NT5E: variants seen among roughly 807,000 people sequenced by gnomAD.
The protein encoded by NT5E is 5'-nucleotidase.
A neutral mutation model predicts 55.1 loss-of-function variants in NT5E; 53 were observed. That is an observed-to-expected ratio of 0.96 (90% CI 0.77 to 1.21). The LOEUF (loss-of-function observed/expected upper bound fraction) is 1.21. NT5E is among the 50% of genes most tolerant of loss of function. The probability of loss-of-function intolerance (pLI) is 0.00; values close to 1 mark genes in which losing one functional copy is unlikely to be tolerated. For missense variants in NT5E, 683 were observed against 724.3 expected, an observed-to-expected ratio of 0.94 and a Z score of 0.65; for synonymous variants, 270 against 278.4, an observed-to-expected ratio of 0.97 and a Z score of 0.30.
At chr6:85,476,370 C>T (rs1769436288) in intron 3 of NT5E, among the ~76,000 whole-genome samples, 1 of 152,216 alleles carries the variant, frequency 6.6e-6, no homozygotes, top group Non-Finnish European at 1.5e-5. Context: ...GCTCTCAACT[C>T]CTCATGGGAG....
At chr6:85,470,636 TTCGCCATTTTGCC>T (rs1769285562) in intron 2 of NT5E, among the ~76,000 whole-genome samples, 1 of 152,170 alleles carries the variant, frequency 6.6e-6, no homozygotes, top group Non-Finnish European at 1.5e-5. Context: ...GAGACAGGGT[TTCGCCATTTTGCC>T]TGGGCTGGTC....
intron 2 of NT5E, 72 bp downstream of exon 2, chr6:85,467,354 T>C (rs969350988): frequency 7.9e-7 from 1 of 1,261,954 alleles, no homozygotes; most frequent in African/African-American, 1.5e-5. Context: ...ATTATATTTA[T>C]GGACTGTAGA....
chr6:85,453,101 G>T (rs914959706), intron 1 of NT5E, among the ~76,000 whole-genome samples: 1 of 152,054 alleles, frequency 6.6e-6, no homozygotes, highest in African/African-American at 2.4e-5. Context: ...GAGACCCCCT[G>T]GAACCACTAC....
At chr6:85,477,290 C>T (rs190548439) in intron 3 of NT5E, among the ~76,000 whole-genome samples, 4 of 152,224 alleles carry the variant, frequency 2.6e-5, no homozygotes, top group African/African-American at 9.6e-5. Context: ...TGAACGTTAA[C>T]AAGTGCAACT....
chr6:85,472,372 A>G (rs1175385134), intron 3 of NT5E, among the ~76,000 whole-genome samples: 2 of 152,252 alleles, frequency 1.3e-5, no homozygotes, highest in African/African-American at 4.8e-5. Context: ...AGGGATTATC[A>G]CTAAGAAAGT....
intron 1 of NT5E, among the ~76,000 whole-genome samples, chr6:85,465,203 A>G (rs1769167553): frequency 6.6e-6 from 1 of 152,222 alleles, no homozygotes; most frequent in Non-Finnish European, 1.5e-5. Flanking sequence ...ATTAGGCTCA[A>G]GTTAGGATGG....
intron 5 of NT5E, among the ~76,000 whole-genome samples, 168 bp downstream of exon 5, chr6:85,487,657 T>C (rs1423645371): frequency 1.3e-5 from 2 of 152,150 alleles, no homozygotes; most frequent in East Asian, 3.8e-4. Context: ...CTCGGGAGGC[T>C]TAGGTGGGAA....
At position 85,458,504 on chromosome 6, in the gene NT5E, A is replaced by C. The variant is rs145123933; in HGVS notation, c.339+8026A>C. Among the ~76,000 whole-genome samples, 243 of 152,322 alleles carry C rather than the reference A, an allele frequency of 1.6e-3. 3 individuals are homozygous for C. Among genetic ancestry groups the C allele is most frequent in the African/African-American group, 5.7e-3 (238 of 41,578 alleles). ...ATTAATAGCATCTGTTGTTTTCTTA[A>C]CTGAAAATTGGAGAGAACCAAACAA... On this transcript the variant is annotated intron_variant, in intron 1 of 8. Coordinates refer to ENST00000257770, the MANE Select transcript of NT5E (RefSeq NM_002526.4).
At chr6:85,460,429 T>C (rs972561205) in intron 1 of NT5E, among the ~76,000 whole-genome samples, 22 of 152,250 alleles carry the variant, frequency 1.4e-4, no homozygotes, top group African/African-American at 5.1e-4. Flanking sequence ...ATGGAATCTA[T>C]TTATTGGTTT....
intron 1 of NT5E, among the ~76,000 whole-genome samples, chr6:85,452,671 G>A (rs768697349): frequency 8.5e-5 from 13 of 152,138 alleles, no homozygotes; most frequent in African/African-American, 2.9e-4. Flanking sequence ...ATGATTTGAC[G>A]TGCATAAAAT....
intron 3 of NT5E, among the ~76,000 whole-genome samples, chr6:85,483,080 T>C (rs944403971): frequency 2.0e-5 from 3 of 152,276 alleles, no homozygotes; most frequent in Non-Finnish European, 2.9e-5. Context: ...TAGTGCATAC[T>C]GAGGCATCTG....
intron 7 of NT5E, 116 bp downstream of exon 7, chr6:85,490,773 C>A: frequency 9.1e-7 from 1 of 1,104,728 alleles, no homozygotes; most frequent in African/African-American, 1.5e-5. Flanking sequence ...GGATTTTTCC[C>A]GACCCAACAC....
intron 1 of NT5E, among the ~76,000 whole-genome samples, chr6:85,455,008 G>A (rs1035297655): frequency 2.6e-5 from 4 of 152,204 alleles, no homozygotes; most frequent in African/African-American, 9.7e-5. Context: ...GACCAGGTTG[G>A]ACCAGAGTGA....
intron 7 of NT5E, 123 bp downstream of exon 7, chr6:85,490,780 A>C (rs955027305): frequency 6.9e-6 from 7 of 1,020,388 alleles, no homozygotes; most frequent in Admixed American, 5.8e-5. Context: ...TCCCGACCCA[A>C]CACCAATACC....
intron 3 of NT5E, among the ~76,000 whole-genome samples, chr6:85,484,892 T>A (rs1333106855): frequency 1.3e-5 from 2 of 152,182 alleles, no homozygotes; most frequent in African/African-American, 4.8e-5. Context: ...GTAAAGTGGC[T>A]TGGCTAATCC....
At chr6:85,458,164 A>G (rs939834577) in intron 1 of NT5E, among the ~76,000 whole-genome samples, 1 of 152,260 alleles carries the variant, frequency 6.6e-6, no homozygotes, top group Non-Finnish European at 1.5e-5. Context: ...TTGAGGAAAG[A>G]AAAATTAGCA....
intron 5 of NT5E, 108 bp downstream of exon 5, chr6:85,487,597 T>C: frequency 7.1e-7 from 1 of 1,414,408 alleles, no homozygotes; most frequent in Non-Finnish European, 9.9e-7. Flanking sequence ...AATGAGGGAT[T>C]TCAAAACATT....
chr6:85,477,104 C>A (rs910516908), intron 3 of NT5E, among the ~76,000 whole-genome samples: 14 of 152,104 alleles, frequency 9.2e-5, no homozygotes, highest in Admixed American at 5.2e-4. Context: ...CTTTCTCACT[C>A]CCTTATTTTT....
Position 85,458,250 on chromosome 6 carries a change from G to C in NT5E, c.339+7772G>C, listed in dbSNP as rs986670405. Among the ~76,000 whole-genome samples, 4 of 152,204 alleles carry C rather than the reference G, an allele frequency of 2.6e-5. No homozygotes were observed. The South Asian group carries it at 8.3e-4, about 32-fold the overall frequency. ...TAAAAAGGCAACAACAACCAAAAAA[G>C]TAATTATTCCTAAAGCTCAGGTGTC... On this transcript the variant is annotated intron_variant, in intron 1 of 8. Coordinates refer to ENST00000257770, the MANE Select transcript of NT5E (RefSeq NM_002526.4).
Sources: allele counts gnomAD v4.1 joint callset (sites outside exome capture counted in the v4.1 genomes callset), GRCh38; gene constraint gnomAD v4.1.1; transcripts MANE v1.5; gene names NCBI Gene and HGNC (gene_info 2026-07-23, HGNC 2026-07-21).